Variants in IL1RAPL1 observed in about 807,000 individuals in gnomAD.
The protein encoded by IL1RAPL1 is interleukin 1 receptor accessory protein like 1.
A neutral mutation model predicts 48.4 loss-of-function variants in IL1RAPL1; 3 were observed. The observed-to-expected ratio is 0.06, with a 90% confidence interval of 0.03 to 0.16. The LOEUF (loss-of-function observed/expected upper bound fraction) is 0.16, where lower values mean the gene tolerates loss of function less well. IL1RAPL1 is among the 10% of genes least tolerant of loss of function. IL1RAPL1 has a pLI of 1.00. For missense variants in IL1RAPL1, 349 were observed against 530.6 expected (o/e 0.66, Z 3.36); for synonymous variants, 185 against 187.7 (o/e 0.99, Z 0.12).
At position 28,832,245 on chromosome X, in the gene IL1RAPL1, TCCTC is replaced by T. The variant is rs1410340066; in HGVS notation, c.82+42830_82+42833del. ...GTATCTATTAACAAACCTCTCCATA[TCCTC>T]CCTCCCTCCTACCCTTCCCAACCTT... On this transcript the variant is annotated intron_variant, in intron 2 of 10. Coordinates refer to ENST00000378993, the MANE Select transcript of IL1RAPL1 (RefSeq NM_014271.4). Among the ~76,000 whole-genome samples, 2 of 110,745 alleles carry T rather than the reference TCCTC, an allele frequency of 1.8e-5. 1 individual carries two copies. Among genetic ancestry groups the T allele is most frequent in the Non-Finnish European group, 3.8e-5 (2 of 52,822 alleles).
At chrX:29,294,949 C>T (rs1274791997) in intron 3 of IL1RAPL1, among the ~76,000 whole-genome samples, 1 of 111,157 alleles carries the variant, frequency 9.0e-6, no homozygotes, top group Admixed American at 9.6e-5. Context: ...GAATGGAAAA[C>T]AGAAAGCAGT....
intron 2 of IL1RAPL1, among the ~76,000 whole-genome samples, chrX:29,072,042 G>A (rs1263533385): frequency 5.4e-5 from 6 of 110,983 alleles, no homozygotes; most frequent in Non-Finnish European, 7.5e-5. Context: ...CAACTTGAGA[G>A]TCTGTTCATT....
At chrX:29,544,751 ATGTGTGTGTGTT>A (rs1921557090) in intron 5 of IL1RAPL1, among the ~76,000 whole-genome samples, 1 of 97,433 alleles carries the variant, frequency 1.0e-5, no homozygotes, top group Non-Finnish European at 2.1e-5. Flanking sequence ...GTGTGTGTGT[ATGTGTGTGTGTT>A]TGTGTGCATT....
intron 6 of IL1RAPL1, among the ~76,000 whole-genome samples, chrX:29,688,764 CTG>C (rs1406628560): frequency 2.9e-5 from 3 of 103,901 alleles, no homozygotes; most frequent in Admixed American, 1.0e-4. Context: ...CTGTGTGTGT[CTG>C]TGTGTGTGTG....
intron 3 of IL1RAPL1, among the ~76,000 whole-genome samples, chrX:29,298,306 GAA>G (rs918317452): frequency 9.0e-6 from 1 of 111,571 alleles, no homozygotes; most frequent in African/African-American, 3.3e-5. Context: ...TTTATGAAGA[GAA>G]AGAACAAGGT....
chrX:29,902,328 T>G (rs912054428), intron 6 of IL1RAPL1, among the ~76,000 whole-genome samples: 5 of 111,093 alleles, frequency 4.5e-5, no homozygotes, highest in African/African-American at 1.6e-4. Context: ...CACCATGAAC[T>G]TTTGTTTCAT....
At chrX:28,991,049 AGTTT>A (rs1925591838) in intron 2 of IL1RAPL1, among the ~76,000 whole-genome samples, 4 of 111,750 alleles carry the variant, frequency 3.6e-5, no homozygotes, top group African/African-American at 1.3e-4. Flanking sequence ...AGAAATGTAT[AGTTT>A]GTTTGCTGTT....
At chrX:28,991,173 CAG>C (rs1360907654) in intron 2 of IL1RAPL1, among the ~76,000 whole-genome samples, 3 of 111,566 alleles carry the variant, frequency 2.7e-5, no homozygotes, top group East Asian at 5.7e-4. Context: ...ATAGAAGAAA[CAG>C]ATTCTACTGT....
At chrX:28,697,840 T>C (rs1050293317) in intron 1 of IL1RAPL1, among the ~76,000 whole-genome samples, 1 of 111,004 alleles carries the variant, frequency 9.0e-6, no homozygotes, top group Non-Finnish European at 1.9e-5. Context: ...TTGATAACAG[T>C]GGTGGGTCCA....
chrX:29,485,422 A>G (rs1010457655), intron 5 of IL1RAPL1, among the ~76,000 whole-genome samples: 1 of 111,701 alleles, frequency 9.0e-6, no homozygotes, highest in African/African-American at 3.3e-5. Context: ...TTTTACAAAC[A>G]CTAATCCATT....
chrX:29,816,728 G>C (rs1165344963), intron 6 of IL1RAPL1, among the ~76,000 whole-genome samples: 1 of 110,197 alleles, frequency 9.1e-6, no homozygotes, highest in East Asian at 2.8e-4. Flanking sequence ...AATTCTCCAT[G>C]ACCACTCTTT....
chrX:29,420,411 TG>T (rs980560716), intron 5 of IL1RAPL1, among the ~76,000 whole-genome samples: 4 of 112,741 alleles, frequency 3.5e-5, no homozygotes, highest in African/African-American at 1.3e-4. Flanking sequence ...CCATCTGCTA[TG>T]CACTTACCAG....
At chrX:29,386,904 C>T (rs759925152) in intron 3 of IL1RAPL1, among the ~76,000 whole-genome samples, 30 of 111,990 alleles carry the variant, frequency 2.7e-4, no homozygotes, top group Non-Finnish European at 5.4e-4. Flanking sequence ...TAAATAATAT[C>T]ATATATTTAG....
chrX:29,602,975 AG>A (rs1923770387), intron 5 of IL1RAPL1, among the ~76,000 whole-genome samples: 1 of 112,691 alleles, frequency 8.9e-6, no homozygotes, highest in Admixed American at 9.4e-5. Flanking sequence ...CAGATAAAAT[AG>A]TGAACAAGGC....
intron 2 of IL1RAPL1, among the ~76,000 whole-genome samples, chrX:28,948,414 G>T (rs1924362733): frequency 9.1e-6 from 1 of 110,265 alleles, no homozygotes; most frequent in Non-Finnish European, 1.9e-5. Flanking sequence ...GATCTGATCT[G>T]AACCTAGAAG....
At position 29,956,261 on chromosome X, in the gene IL1RAPL1, T is replaced by C. The variant is rs1473152956; in HGVS notation, c.*441T>C. On this transcript the variant is annotated 3_prime_UTR_variant, in exon 11 of 11. Transcript: ENST00000378993. ...ACCGGATTCTTTCTCGGGTTCTGCC[T>C]AGCATCAACTGGGCCACGTCGGCCT... 3.3e-5 allele frequency: 4 copies of C among 121,396 alleles called. No individual in the cohort carries two copies. The highest frequency in any genetic ancestry group is 2.8e-4 in the Admixed American group (3 of 10,707). 10.0% of individuals were successfully genotyped at this position (121,396 alleles called of 1,213,427 possible).
At chrX:29,642,275 A>T (rs1373154517) in intron 5 of IL1RAPL1, among the ~76,000 whole-genome samples, 1 of 112,179 alleles carries the variant, frequency 8.9e-6, no homozygotes, top group Non-Finnish European at 1.9e-5. Context: ...CCCTGCGCTA[A>T]TATTTCTAAC....
chrX:29,499,631 A>G (rs1242899447), intron 5 of IL1RAPL1, among the ~76,000 whole-genome samples: 1 of 111,650 alleles, frequency 9.0e-6, no homozygotes, highest in African/African-American at 3.3e-5. Flanking sequence ...TGGAAGGTTT[A>G]ATATAATCAA....
chrX:29,089,704 C>T (rs376910128), intron 2 of IL1RAPL1, among the ~76,000 whole-genome samples: 105 of 80,281 alleles, frequency 1.3e-3, no homozygotes, highest in African/African-American at 4.7e-3. Flanking sequence ...CTCTATTTTC[C>T]TTATGGTCGT....
Sources: allele counts gnomAD v4.1 joint callset (sites outside exome capture counted in the v4.1 genomes callset), GRCh38; gene constraint gnomAD v4.1.1; transcripts MANE v1.5; gene names NCBI Gene and HGNC (gene_info 2026-07-23, HGNC 2026-07-21).